ADARB2: variants seen among roughly 807,000 people sequenced by gnomAD.
The protein encoded by ADARB2 is inactive double-stranded RNA-specific editase B2.
Under a neutral mutation model 62.2 loss-of-function variants are expected in ADARB2, and 25 were observed. The ratio of observed to expected loss-of-function variants is 0.40; its 90% CI spans 0.29 to 0.56. The LOEUF (loss-of-function observed/expected upper bound fraction) is 0.56, where lower values mean the gene tolerates loss of function less well. ADARB2 is among the 20% of genes least tolerant of loss of function. ADARB2 has a pLI of 0.43. For synonymous variants in ADARB2, 572 were observed against 500.8 expected (o/e 1.14, Z -1.90); for missense variants, 1,071 against 1,077.4 (o/e 0.99, Z 0.08).
intron 1 of ADARB2, among the ~76,000 whole-genome samples, chr10:1,597,954 A>T (rs1272848105): frequency 6.6e-6 from 1 of 152,250 alleles, no homozygotes; most frequent in Non-Finnish European, 1.5e-5. Flanking sequence ...AAAAGAAAGA[A>T]GTCATATCTT....
rs1314004519 is a variant in ADARB2 at position 1,735,611 on chromosome 10, G to A, written c.100+1440C>T. Among the ~76,000 whole-genome samples the A allele has an allele frequency of 2.0e-5, 3 of 152,206 alleles. No homozygotes were observed. In the East Asian group the frequency reaches 5.8e-4, roughly 29 times the overall value. On this transcript the variant is annotated intron_variant, in intron 1 of 9. Coordinates refer to ENST00000381312, the MANE Select transcript of ADARB2 (RefSeq NM_018702.4). ...TCAATATCAATGCCACTTTGTGTTG[G>A]CATTATCTTTGGAGGACACTAACAG...
intron 3 of ADARB2, among the ~76,000 whole-genome samples, chr10:1,286,938 A>G (rs1027211885): frequency 1.3e-5 from 2 of 152,196 alleles, no homozygotes; most frequent in African/African-American, 4.8e-5. Flanking sequence ...GTGTGCAAAC[A>G]TAACATTTTT....
At chr10:1,229,842 T>TTCTGTGTG (rs1422478119) in intron 6 of ADARB2, among the ~76,000 whole-genome samples, 5 of 130,564 alleles carry the variant, frequency 3.8e-5, no homozygotes, top group Admixed American at 3.6e-4. Flanking sequence ...GCACATGTGC[T>TTCTGTGTG]TACGTGTGTG....
chr10:1,633,833 G>T (rs186947656), intron 1 of ADARB2, among the ~76,000 whole-genome samples: 1 of 152,134 alleles, frequency 6.6e-6, no homozygotes, highest in Non-Finnish European at 1.5e-5. Flanking sequence ...CTCAGTCCAG[G>T]CCCCCGACTC....
At chr10:1,499,127 A>G (rs1486562187) in intron 1 of ADARB2, among the ~76,000 whole-genome samples, 2 of 150,242 alleles carry the variant, frequency 1.3e-5, no homozygotes, top group Non-Finnish European at 3.0e-5. Flanking sequence ...ACACTTATTC[A>G]TCACTCATCA....
At chr10:1,435,567 A>AGGACCC (rs1830826739) in intron 1 of ADARB2, among the ~76,000 whole-genome samples, 5 of 152,262 alleles carry the variant, frequency 3.3e-5, no homozygotes, top group African/African-American at 7.2e-5. Context: ...CCTCTGCACC[A>AGGACCC]TCCTGCAGTG....
Position 1,615,595 on chromosome 10 carries a change from G to C in ADARB2, c.100+121456C>G, listed in dbSNP as rs116905511. ...ACGCACAGACTCGAATGGGAATTGG[G>C]CTCTCCCACTGACAACCTCACTGGA... On this transcript the variant is annotated intron_variant, in intron 1 of 9. Coordinates refer to ENST00000381312, the MANE Select transcript of ADARB2 (RefSeq NM_018702.4). 2.9e-4 allele frequency among the ~76,000 whole-genome samples: 44 copies of C among 152,346 alleles called. No homozygotes were observed. The East Asian group carries it at 3.7e-3, about 13-fold the overall frequency.
intron 8 of ADARB2, among the ~76,000 whole-genome samples, chr10:1,197,654 T>A (rs1453531446): frequency 1.3e-5 from 2 of 152,248 alleles, no homozygotes; most frequent in Admixed American, 6.5e-5. Context: ...ATCTCTCAGA[T>A]TTCATGTTCG....
At chr10:1,499,310 C>T (rs1289577335) in intron 1 of ADARB2, among the ~76,000 whole-genome samples, 1 of 151,994 alleles carries the variant, frequency 6.6e-6, no homozygotes, top group Non-Finnish European at 1.5e-5. Context: ...CATTACTCAT[C>T]ACGCATTCAT....
Position 1,183,128 on chromosome 10 carries a change from G to GC in ADARB2, c.*64dup, listed in dbSNP as rs1012739961. ...AGGGAACCGGCCGACCCGCCACGTC[G>GC]CCCCCCAGACACGGTCCCATCCCTC... On this transcript the variant is annotated 3_prime_UTR_variant, in exon 10 of 10. Coordinates refer to ENST00000381312, the MANE Select transcript of ADARB2 (RefSeq NM_018702.4). 6.5e-6 allele frequency: 10 copies of GC among 1,548,612 alleles called. No individual in the cohort carries two copies. The highest frequency in any genetic ancestry group is 8.8e-6 in the Non-Finnish European group (10 of 1,142,038).
chr10:1,526,845 C>T (rs1274094151), intron 1 of ADARB2: 4 of 514,032 alleles, frequency 7.8e-6, no homozygotes, highest in African/African-American at 3.9e-5. Context: ...GGGTCGTGAG[C>T]GGGCACAGGC....
At chr10:1,217,370 C>G (rs73590448) in intron 6 of ADARB2, among the ~76,000 whole-genome samples, 6,072 of 152,188 alleles carry the variant, frequency 0.04, 439 homozygotes, top group African/African-American at 0.14. Context: ...ATGGGCCAGA[C>G]TCTCTTTTCA....
At chr10:1,273,020 C>T (rs902352338) in intron 3 of ADARB2, among the ~76,000 whole-genome samples, 3 of 152,208 alleles carry the variant, frequency 2.0e-5, no homozygotes, top group African/African-American at 2.4e-5. Context: ...CCCACGTGGC[C>T]TTCTCCTCTG....
chr10:1,254,856 CCA>C (rs1393078895), intron 4 of ADARB2, among the ~76,000 whole-genome samples: 2 of 152,222 alleles, frequency 1.3e-5, no homozygotes, highest in Non-Finnish European at 2.9e-5. Flanking sequence ...CTGTGGGCAT[CCA>C]CAGATGCCAT....
intron 1 of ADARB2, among the ~76,000 whole-genome samples, chr10:1,715,258 T>C (rs1205743678): frequency 6.6e-6 from 1 of 152,138 alleles, no homozygotes; most frequent in East Asian, 1.9e-4. Flanking sequence ...GCAATAGTCT[T>C]ATTATCCCCA....
chr10:1,514,202 T>TATATATATATA (rs376354957), intron 1 of ADARB2, among the ~76,000 whole-genome samples: 9 of 116,862 alleles, frequency 7.7e-5, no homozygotes, highest in Non-Finnish European at 1.1e-4. Flanking sequence ...TATATGTATA[T>TATATATATATA]TATATAAAAT....
chr10:1,652,181 G>A (rs1258684820), intron 1 of ADARB2, among the ~76,000 whole-genome samples: 2 of 152,170 alleles, frequency 1.3e-5, no homozygotes, highest in African/African-American at 4.8e-5. Context: ...GCTTCTATTG[G>A]GAGGGGCCAC....
intron 1 of ADARB2, among the ~76,000 whole-genome samples, chr10:1,411,581 G>T (rs992677669): frequency 1.2e-4 from 19 of 152,240 alleles, no homozygotes; most frequent in African/African-American, 4.1e-4. Flanking sequence ...CTTCACTAAA[G>T]CGACAGGCAC....
intron 1 of ADARB2, among the ~76,000 whole-genome samples, chr10:1,544,713 T>G (rs879474176): frequency 6.6e-6 from 1 of 152,194 alleles, no homozygotes; most frequent in Non-Finnish European, 1.5e-5. Flanking sequence ...GTGAAATGTA[T>G]GTAGCATGTA....
Sources: allele counts gnomAD v4.1 joint callset (sites outside exome capture counted in the v4.1 genomes callset), GRCh38; gene constraint gnomAD v4.1.1; transcripts MANE v1.5; gene names NCBI Gene and HGNC (gene_info 2026-07-23, HGNC 2026-07-21).